Variants in ENG observed in about 807,000 individuals in gnomAD.
ENG encodes endoglin, also known as CD105 antigen.
Under a neutral mutation model 71.0 loss-of-function variants are expected in ENG, and 17 were observed. The observed-to-expected ratio is 0.24, with a 90% CI of 0.16 to 0.36. The LOEUF is 0.36. Ranked by LOEUF, ENG falls within the 10% of genes least tolerant of loss-of-function variation. The probability of loss-of-function intolerance (pLI) is 1.00; values close to 1 mark genes in which losing one functional copy is unlikely to be tolerated. For synonymous variants in ENG, 360 were observed against 366.9 expected (o/e 0.98, Z 0.21); for missense variants, 749 against 868.3 (o/e 0.86, Z 1.73).
intron 3 of ENG, chr9:127,826,988 TACCCTGAGGCTCTGGATCTCCCTAC>T (rs1288311655): frequency 1.3e-5 from 5 of 378,428 alleles, no homozygotes; most frequent in Non-Finnish European, 2.5e-5. Context: ...TCTCTCCCTA[TACCCTGAGGCTCTGGATCTCCCTAC>T]ACTGTGAGGG....
chr9:127,818,022 G>C, intron 12 of ENG, 98 bp downstream of exon 12: 1 of 1,586,946 alleles, frequency 6.3e-7, no homozygotes, highest in Admixed American at 1.7e-5. Flanking sequence ...CCCCTCACCA[G>C]CTGGCCCCAC....
intron 1 of ENG, among the ~76,000 whole-genome samples, chr9:127,845,530 G>A (rs1274022228): frequency 6.6e-6 from 1 of 152,206 alleles, no homozygotes; most frequent in East Asian, 1.9e-4. Context: ...CCTGGAGCCA[G>A]GCTGACCTGG....
chr9:127,850,612 T>C (rs2131931063), intron 1 of ENG, among the ~76,000 whole-genome samples: 1 of 152,346 alleles, frequency 6.6e-6, no homozygotes, highest in African/African-American at 2.4e-5. Flanking sequence ...CAGGTGTTTG[T>C]GGTCTCGCTC....
At chr9:127,825,648 G>T in intron 5 of ENG, 47 bp downstream of exon 5, 1 of 1,401,202 alleles carries the variant, frequency 7.1e-7, no homozygotes, top group East Asian at 2.6e-5. Context: ...CAGGGGGGTG[G>T]TCTCTCGGGG....
chr9:127,854,138 A>C, intron 1 of ENG, 151 bp downstream of exon 1: 1 of 738,616 alleles, frequency 1.4e-6, no homozygotes, highest in Non-Finnish European at 2.2e-6. Context: ...ATTTAGTTCC[A>C]GCAAACTGGG....
chr9:127,843,685 A>G, intron 1 of ENG, among the ~76,000 whole-genome samples: 1 of 27,110 alleles, frequency 3.7e-5, no homozygotes, highest in South Asian at 4.2e-3. Flanking sequence ...ACATATATAC[A>G]TACATATATA....
In ENG at chr9:127,854,513, G is replaced by A. The variant is rs41470844; in HGVS notation, c.-158C>T. The A allele has an allele frequency of 2.1e-4, 149 of 709,306 alleles. 2 individuals carry two copies. The African/African-American group carries it at 2.5e-3, about 12-fold the overall frequency. 43.9% of individuals were successfully genotyped at this position (709,306 alleles called of 1,614,324 possible). A position where few individuals can be genotyped will look rare whatever the true frequency, so the allele number is the denominator to read the frequency against. Reference sequence around the variant, plus strand: ...GCTCCAGCCTTCTGGGGTGGCGGCCGAGGGGTCAGGAGAAGTGGACACAGG... The same window carrying A: ...GCTCCAGCCTTCTGGGGTGGCGGCCAAGGGGTCAGGAGAAGTGGACACAGG... On this transcript the variant is annotated 5_prime_UTR_variant, in exon 1 of 15. Coordinates refer to ENST00000373203, the MANE Select transcript of ENG (RefSeq NM_001114753.3).
rs1245211366 is a variant in ENG, at chr9:127,826,610, G to T, written c.423C>A (p.Phe141Leu). The change falls in exon 4 of 15, where the codon TTC becomes TTA. Residue 141 changes from phenylalanine to leucine, a missense_variant. Transcript: ENST00000373203. ...CCCACTCAAGGATCTGGGTCTTGGG[G>T]AAGGATGGCAGCTCTGTGGTGTTGA... The part of the protein sequence containing the change: ...PGVNTTELPS[F>L]PKTQILEWAA... The T allele has an allele frequency of 6.2e-7, 1 of 1,614,116 alleles. No individual in the cohort carries two copies. The highest frequency in any genetic ancestry group is 1.7e-5 in the Admixed American group (1 of 60,022).
chr9:127,826,651 G>C lies in ENG; in HGVS notation c.382C>G (p.Gln128Glu), dbSNP rs1346363871. ...LAYNSSLVTF[Q>E]EPPGVNTTEL... Reference sequence around the variant, plus strand: ...GTGGTGTTGACCCCCGGGGGCTCTTGGAAGGTGACCAGGCTGGAATTCTGG... The same window carrying C: ...GTGGTGTTGACCCCCGGGGGCTCTTCGAAGGTGACCAGGCTGGAATTCTGG... Residue 128 changes from glutamine (Q) to glutamate (E), a missense_variant, in exon 4 of 15, where the codon CAA becomes GAA. Transcript: ENST00000373203. 6.2e-6 allele frequency: 10 copies of C among 1,613,886 alleles called. No homozygotes were observed. The highest frequency in any genetic ancestry group is 7.6e-6 in the Non-Finnish European group (9 of 1,179,988).
intron 2 of ENG, among the ~76,000 whole-genome samples, chr9:127,835,403 C>T (rs1040003207): frequency 1.3e-5 from 2 of 152,260 alleles, no homozygotes; most frequent in East Asian, 3.9e-4. Flanking sequence ...TCCCAGATTG[C>T]CCTACAGTCC....
At position 127,815,670 on chromosome 9, in the gene ENG, G is replaced by T. The variant is rs776488394; in HGVS notation, c.*12C>A. 1 of 1,553,842 alleles carries T rather than the reference G, an allele frequency of 6.4e-7. No homozygotes were observed. Among genetic ancestry groups the T allele is most frequent in the Non-Finnish European group, 8.6e-7 (1 of 1,156,776 alleles). The stretch of plus-strand genomic sequence containing the variant: ...TCAGTCTCTCCTGCTGGGCGAGCGC[G>T]GGGGGCCGGGGCTATGCCATGCTGC... On this transcript the variant is annotated 3_prime_UTR_variant, in exon 15 of 15. Transcript: ENST00000373203.
At chr9:127,834,560 G>A (rs1331583106) in intron 2 of ENG, among the ~76,000 whole-genome samples, 1 of 152,098 alleles carries the variant, frequency 6.6e-6, no homozygotes, top group East Asian at 1.9e-4. Context: ...ACCTGCCACT[G>A]CGCCTGGCTA....
At chr9:127,829,436 T>A (rs977463022) in intron 3 of ENG, among the ~76,000 whole-genome samples, 1 of 152,078 alleles carries the variant, frequency 6.6e-6, no homozygotes, top group South Asian at 2.1e-4. Context: ...AGGATCAGAG[T>A]TGGCCAGGGC....
In ENG at chr9:127,815,821, G is replaced by GGGGGCA; in HGVS notation, c.1853-21_1853-16dup. 6.5e-7 allele frequency: 1 copy of GGGGGCA among 1,547,408 alleles called. No individual in the cohort carries two copies. Among genetic ancestry groups the GGGGGCA allele is most frequent in the East Asian group, 2.4e-5 (1 of 41,012 alleles). ...GCTGGGGGAACCTGGGAGCGGGAGCGGGGGCAGGGGCGGAGGTCAGGGTCC... is the reference window on the plus strand; with the variant it reads ...GCTGGGGGAACCTGGGAGCGGGAGCGGGGGCAGGGGCAGGGGCGGAGGTCAGGGTCC... On this transcript the variant is annotated splice_polypyrimidine_tract_variant and intron_variant, in intron 14 of 14. Transcript: ENST00000373203.
intron 1 of ENG, among the ~76,000 whole-genome samples, chr9:127,848,417 C>T (rs1831222631): frequency 6.6e-6 from 1 of 152,102 alleles, no homozygotes; most frequent in South Asian, 2.1e-4. Flanking sequence ...GCCTCCCGAG[C>T]AGCTACAGGT....
rs147578748 is a variant in ENG at position 127,827,861 on chromosome 9, T to C, written c.361-1189A>G. 9.1e-3 allele frequency among the ~76,000 whole-genome samples: 1,379 copies of C among 151,432 alleles called. 8 individuals carry two copies. The highest frequency in any genetic ancestry group is 0.016 in the Non-Finnish European group (1,082 of 67,820). ...TATGAAACACTGTCTCTACTAAAAA[T>C]ACAAAAAATGAGGTGGGGGTGGTGG... On this transcript the variant is annotated intron_variant, in intron 3 of 14. Coordinates refer to ENST00000373203, the MANE Select transcript of ENG (RefSeq NM_001114753.3).
At position 127,846,549 on chromosome 9, in the gene ENG, G is replaced by T. The variant is rs984090032; in HGVS notation, c.68-3304C>A. 2.2e-4 allele frequency among the ~76,000 whole-genome samples: 33 copies of T among 152,312 alleles called. No homozygotes were observed. The highest frequency in any genetic ancestry group is 7.2e-4 in the African/African-American group (30 of 41,562). On this transcript the variant is annotated intron_variant, in intron 1 of 14. Coordinates refer to ENST00000373203, the MANE Select transcript of ENG (RefSeq NM_001114753.3). This position sits in a 1 kb window ranked among gnomAD's most constrained non-coding sequence, Gnocchi z 5.5. ...GCCGCCTCCTCCATGCCGTCAGCCAGCGGGAGAGGCCACAAGCCTGGCCAT... is the reference window on the plus strand; with the variant it reads ...GCCGCCTCCTCCATGCCGTCAGCCATCGGGAGAGGCCACAAGCCTGGCCAT...
chr9:127,848,222 A>T (rs1588600574), intron 1 of ENG, among the ~76,000 whole-genome samples: 1 of 150,682 alleles, frequency 6.6e-6, no homozygotes, highest in Admixed American at 6.6e-5. Context: ...CCCTAAACAC[A>T]CCTCGCTCCT....
At chr9:127,834,603 C>A (rs1830852162) in intron 2 of ENG, among the ~76,000 whole-genome samples, 2 of 152,038 alleles carry the variant, frequency 1.3e-5, no homozygotes, top group South Asian at 4.1e-4. Context: ...TGGGGTTTCA[C>A]CATCTTGGCC....
Sources: gnomAD v4.1 joint callset for allele counts (sites outside exome capture counted in the v4.1 genomes callset) on GRCh38, gnomAD v4.1.1 for gene constraint, Gnocchi (gnomAD v3.1) non-coding constraint, MANE v1.5 for transcripts, NCBI Gene and HGNC (gene_info 2026-07-23, HGNC 2026-07-21) for gene names.